CSRNP3: variants seen among roughly 807,000 people sequenced by gnomAD.
CSRNP3 encodes cysteine and serine rich nuclear protein 3, also known as cysteine/serine-rich nuclear protein 3.
Under a neutral mutation model 48.0 loss-of-function variants are expected in CSRNP3, and 12 were observed. That is an observed-to-expected ratio of 0.25 (90% confidence interval 0.16 to 0.41). CSRNP3 has a LOEUF of 0.41. CSRNP3 is among the 10% of genes least tolerant of loss of function. The pLI is 1.00. For synonymous variants in CSRNP3, 263 were observed against 269.7 expected (o/e 0.98, Z 0.24); for missense variants, 580 against 724.4 (o/e 0.80, Z 2.29).
At chr2:165,669,704 T>C (rs1230826502) in intron 5 of CSRNP3, among the ~76,000 whole-genome samples, 1 of 152,148 alleles carries the variant, frequency 6.6e-6, no homozygotes, top group East Asian at 1.9e-4. Context: ...AAAGTTATAG[T>C]GGTTTTATTT....
Position 165,546,422 on chromosome 2 carries a change from A to T in CSRNP3, c.-24+28461A>T, listed in dbSNP as rs760987398. Among the ~76,000 whole-genome samples, 111 of 152,068 alleles carry T rather than the reference A, an allele frequency of 7.3e-4. No homozygotes were observed. The Middle Eastern group carries it at 0.01, about 14-fold the overall frequency. On this transcript the variant is annotated intron_variant, in intron 3 of 6. Coordinates refer to ENST00000651982, the MANE Select transcript of CSRNP3 (RefSeq NM_001172173.2). ...TGGCCAGGCTGGTCTTGAATTCCTG[A>T]CCTTGTGATCCACCCGCCTAGGCCT...
At chr2:165,670,981 A>C (rs1687318747) in intron 5 of CSRNP3, among the ~76,000 whole-genome samples, 1 of 152,226 alleles carries the variant, frequency 6.6e-6, no homozygotes. Flanking sequence ...GAGAGCATTC[A>C]TTTGAAAGTG....
intron 3 of CSRNP3, among the ~76,000 whole-genome samples, chr2:165,592,333 C>A (rs1400020396): frequency 1.3e-5 from 2 of 152,192 alleles, no homozygotes; most frequent in East Asian, 1.9e-4. Context: ...ATTTTACAGG[C>A]TCATAAACAG....
At chr2:165,544,612 A>G (rs1684999903) in intron 3 of CSRNP3, among the ~76,000 whole-genome samples, 1 of 152,132 alleles carries the variant, frequency 6.6e-6, no homozygotes, top group Admixed American at 6.6e-5. Context: ...GATTCTGAAT[A>G]TATTTTGAAC....
At chr2:165,570,331 C>CCCATTGGA (rs1401692217) in intron 3 of CSRNP3, among the ~76,000 whole-genome samples, 1 of 152,016 alleles carries the variant, frequency 6.6e-6, no homozygotes, top group Non-Finnish European at 1.5e-5. Flanking sequence ...CTATAGACTT[C>CCCATTGGA]CCATTGGAGA....
intron 5 of CSRNP3, among the ~76,000 whole-genome samples, chr2:165,661,880 C>T (rs1015558643): frequency 4.6e-5 from 7 of 152,076 alleles, no homozygotes; most frequent in South Asian, 2.1e-4. Context: ...GGAAACTCAC[C>T]GAACTCAGAG....
intron 3 of CSRNP3, among the ~76,000 whole-genome samples, chr2:165,527,302 G>C (rs920468917): frequency 4.0e-5 from 6 of 149,162 alleles, no homozygotes; most frequent in African/African-American, 1.5e-4. Flanking sequence ...TGCCTCCCAG[G>C]TTCACAGTAT....
chr2:165,595,827 C>T (rs370233758), intron 4 of CSRNP3, among the ~76,000 whole-genome samples: 13 of 152,052 alleles, frequency 8.5e-5, no homozygotes, highest in South Asian at 2.1e-4. Context: ...GATGGAGTCT[C>T]GCTCTGTCGC....
chr2:165,659,934 T>A (rs1573951209), intron 5 of CSRNP3, among the ~76,000 whole-genome samples: 2 of 152,224 alleles, frequency 1.3e-5, no homozygotes, highest in African/African-American at 4.8e-5. Context: ...TTAAGCTGGA[T>A]ACAAGCTAGC....
intron 1 of CSRNP3, among the ~76,000 whole-genome samples, chr2:165,476,838 C>A (rs1239835296): frequency 6.6e-6 from 1 of 152,162 alleles, no homozygotes; most frequent in East Asian, 1.9e-4. Flanking sequence ...CTTTTCAGTG[C>A]AGAATTTGGC....
At chr2:165,592,065 A>G (rs1241464589) in intron 3 of CSRNP3, among the ~76,000 whole-genome samples, 1 of 152,232 alleles carries the variant, frequency 6.6e-6, no homozygotes, top group Admixed American at 6.5e-5. Flanking sequence ...TGTACCCTGC[A>G]AAGCCACAGG....
intron 6 of CSRNP3, among the ~76,000 whole-genome samples, chr2:165,677,214 G>A (rs1401580577): frequency 2.6e-5 from 4 of 152,158 alleles, no homozygotes; most frequent in African/African-American, 9.7e-5. Context: ...ACATGATTTT[G>A]TAAATAAAGT....
chr2:165,562,057 T>C (rs901080271), intron 3 of CSRNP3, among the ~76,000 whole-genome samples: 1 of 152,122 alleles, frequency 6.6e-6, no homozygotes, highest in Non-Finnish European at 1.5e-5. Context: ...GAAGTAGTAT[T>C]ATGTATTTGC....
intron 4 of CSRNP3, among the ~76,000 whole-genome samples, chr2:165,612,208 A>G (rs1038446243): frequency 1.4e-4 from 21 of 152,224 alleles, no homozygotes; most frequent in African/African-American, 5.1e-4. Flanking sequence ...AAATTGTATT[A>G]TGTCTATAGT....
At chr2:165,613,316 T>G (rs1250760293) in intron 4 of CSRNP3, among the ~76,000 whole-genome samples, 1 of 152,180 alleles carries the variant, frequency 6.6e-6, no homozygotes, top group Non-Finnish European at 1.5e-5. Context: ...GTCTGGATAT[T>G]AGTCTCTTGT....
intron 4 of CSRNP3, among the ~76,000 whole-genome samples, chr2:165,618,951 C>A (rs1463806736): frequency 6.6e-6 from 1 of 152,176 alleles, no homozygotes; most frequent in African/African-American, 2.4e-5. Context: ...TAGGAATACA[C>A]TTCTTTTCAT....
rs371313752 is a variant in CSRNP3 at position 165,652,111 on chromosome 2, T to C, written c.149-5650T>C. 1.3e-4 allele frequency among the ~76,000 whole-genome samples: 20 copies of C among 152,356 alleles called. 1 individual carries two copies. Among genetic ancestry groups the C allele is most frequent in the African/African-American group, 4.8e-4 (20 of 41,584 alleles). On this transcript the variant is annotated intron_variant, in intron 4 of 6. Coordinates refer to ENST00000651982, the MANE Select transcript of CSRNP3 (RefSeq NM_001172173.2). ...TGGCCAGATATGCTGAACATAATGGTGTTCCCAAGACCTGGGCAGTGTATA... is the reference window on the plus strand; with the variant it reads ...TGGCCAGATATGCTGAACATAATGGCGTTCCCAAGACCTGGGCAGTGTATA...
intron 3 of CSRNP3, among the ~76,000 whole-genome samples, chr2:165,592,576 G>T (rs1300222154): frequency 6.6e-6 from 1 of 152,000 alleles, no homozygotes; most frequent in East Asian, 1.9e-4. Flanking sequence ...GGGATGTGTT[G>T]GGGGGGTAAT....
intron 4 of CSRNP3, among the ~76,000 whole-genome samples, chr2:165,599,110 T>A (rs973528440): frequency 1.3e-5 from 2 of 151,602 alleles, no homozygotes; most frequent in Non-Finnish European, 2.9e-5. Flanking sequence ...TGGTGGTGCA[T>A]GCCTGTGGTC....
Sources: allele counts gnomAD v4.1 joint callset (sites outside exome capture counted in the v4.1 genomes callset), GRCh38; gene constraint gnomAD v4.1.1; transcripts MANE v1.5; gene names NCBI Gene and HGNC (gene_info 2026-07-23, HGNC 2026-07-21).